Variants in STIM1 observed in about 807,000 individuals in gnomAD.
STIM1 encodes stromal interaction molecule 1.
STIM1 carries 25 observed loss-of-function variants against 74.7 expected under a neutral mutation model. The observed-to-expected ratio is 0.33, with a 90% CI of 0.24 to 0.47. STIM1 has a LOEUF of 0.47. Among genes scored for constraint, STIM1 ranks in the 20% least tolerant of loss-of-function variants. The pLI is 1.00. For synonymous variants in STIM1, 328 were observed against 348.8 expected (o/e 0.94, Z 0.66); for missense variants, 728 against 920.8 (o/e 0.79, Z 2.71).
Position 4,091,336 on chromosome 11 carries a change from T to A in STIM1, c.1689T>A (p.Arg563=). ...CCCTCCACATGAGTGACCGCCAGCGTGTGGCCCCCAAACCTCCTCAGATGA... is the reference window on the plus strand; with the variant it reads ...CCCTCCACATGAGTGACCGCCAGCGAGTGGCCCCCAAACCTCCTCAGATGA... ...ESSLHMSDRQ[R]VAPKPPQMSR... Residue 563 remains arginine, a synonymous_variant, in exon 13 of 13, where the codon CGT becomes CGA. Transcript: ENST00000526596. 1.9e-6 allele frequency: 3 copies of A among 1,614,216 alleles called. No individual in the cohort carries two copies. The highest frequency in any genetic ancestry group is 2.5e-6 in the Non-Finnish European group (3 of 1,180,034).
intron 1 of STIM1, chr11:3,921,960 C>G (rs1303078489): frequency 1.3e-5 from 2 of 152,184 alleles, no homozygotes; most frequent in African/African-American, 4.8e-5. Flanking sequence ...GTCAAACCAT[C>G]AGATGGCTAT....
At chr11:3,904,844 T>C (rs956026460) in intron 1 of STIM1, among the ~76,000 whole-genome samples, 6 of 152,028 alleles carry the variant, frequency 3.9e-5, no homozygotes, top group African/African-American at 9.7e-5. Flanking sequence ...TATCTGGTAG[T>C]TGGGGGAGAA....
intron 1 of STIM1, among the ~76,000 whole-genome samples, chr11:3,860,868 C>T (rs543879705): frequency 1.1e-3 from 168 of 152,278 alleles, no homozygotes; most frequent in Non-Finnish European, 2.0e-3. Context: ...AAGAAGTCTA[C>T]GTTTTGTAGG....
intron 2 of STIM1, among the ~76,000 whole-genome samples, chr11:4,022,335 CAAA>C (rs60560723): frequency 1.2e-4 from 13 of 104,976 alleles, no homozygotes; most frequent in Admixed American, 4.0e-4. Context: ...GAACCTGTCT[CAAA>C]AAAAAAAAAA....
In STIM1 at chr11:4,091,679, C is replaced by T. The variant is rs1297891038; in HGVS notation, c.2032C>T (p.Leu678=). The T allele has an allele frequency of 6.2e-7, 1 of 1,614,238 alleles. No individual in the cohort carries two copies. The highest frequency in any genetic ancestry group is 1.7e-5 in the Admixed American group (1 of 60,034). The change falls in exon 13 of 13, where the codon CTG becomes TTG. Residue 678 remains leucine (L), a synonymous_variant. Transcript: ENST00000526596. ...QASRNTRIPH[L]AGKKAVAEED... ...CAGCCGAAACACACGCATTCCCCAC[C>T]TGGCTGGCAAGAAGGCTGTGGCTGA... is the stretch of plus-strand genomic sequence containing the variant.
At chr11:4,089,145 C>T (rs1266488689) in intron 12 of STIM1, 6 of 230,660 alleles carry the variant, frequency 2.6e-5, no homozygotes, top group Non-Finnish European at 5.4e-5. Context: ...ATCACTTGAG[C>T]CTGGGAGGTC....
At chr11:3,970,350 A>G (rs1238304773) in intron 2 of STIM1, among the ~76,000 whole-genome samples, 1 of 152,144 alleles carries the variant, frequency 6.6e-6, no homozygotes, top group African/African-American at 2.4e-5. Flanking sequence ...TGCATGATCA[A>G]TCACAAGCTA....
intron 1 of STIM1, among the ~76,000 whole-genome samples, chr11:3,862,878 ACG>A (rs1477668470): frequency 1.3e-5 from 2 of 149,186 alleles, no homozygotes; most frequent in East Asian, 2.0e-4. Context: ...ACACACACAC[ACG>A]CACACACACA....
At chr11:4,032,974 G>A (rs2094064178) in intron 3 of STIM1, among the ~76,000 whole-genome samples, 1 of 152,028 alleles carries the variant, frequency 6.6e-6, no homozygotes, top group Admixed American at 6.6e-5. Flanking sequence ...TTTCTTCTAG[G>A]GTTTTTATGG....
rs563517403 is a variant in STIM1 at position 3,932,521 on chromosome 11, G to A, written c.140-35031G>A. On this transcript the variant is annotated intron_variant, in intron 1 of 12. Coordinates refer to ENST00000526596, the MANE Select transcript of STIM1 (RefSeq NM_001382567.1). ...ATTAAAATTACAAAAAATCAGCCGG[G>A]CGTGGTGGCGGGCACCTGTAGTCCC... Among the ~76,000 whole-genome samples, 5 of 152,156 alleles carry A rather than the reference G, an allele frequency of 3.3e-5. No homozygotes were observed. The East Asian group carries it at 7.7e-4, about 24-fold the overall frequency.
intron 2 of STIM1, among the ~76,000 whole-genome samples, chr11:3,998,835 T>C (rs1011718409): frequency 2.0e-5 from 3 of 152,108 alleles, no homozygotes; most frequent in Admixed American, 6.5e-5. Context: ...GTGCAAAATC[T>C]TGGGGGTATA....
chr11:3,904,956 G>A (rs1359549972), intron 1 of STIM1, among the ~76,000 whole-genome samples: 8 of 152,012 alleles, frequency 5.3e-5, no homozygotes, highest in Non-Finnish European at 1.2e-4. Context: ...GATCACCTGA[G>A]TAAAATTTAT....
intron 2 of STIM1, among the ~76,000 whole-genome samples, chr11:3,991,958 AAAAAAAAAAAAAAAG>A (rs1052897702): frequency 2.6e-5 from 3 of 117,302 alleles, no homozygotes; most frequent in African/African-American, 8.9e-5. Context: ...CTCAAAAAAA[AAAAAAAAAAAAAAAG>A]AAAAAAAAAA....
intron 1 of STIM1, among the ~76,000 whole-genome samples, chr11:3,870,869 C>CTTTTT (rs1178631644): frequency 1.7e-4 from 17 of 98,142 alleles, no homozygotes; most frequent in African/African-American, 5.3e-4. Context: ...ATCAGCTACT[C>CTTTTT]TTTTTTTTTT....
At chr11:4,074,807 T>A in intron 7 of STIM1, 128 bp downstream of exon 7, 2 of 1,061,726 alleles carry the variant, frequency 1.9e-6, no homozygotes, top group South Asian at 1.5e-5. Flanking sequence ...CTAGAGTCAC[T>A]GGACTCTTAC....
At chr11:4,080,202 C>T (rs111260492) in intron 7 of STIM1, among the ~76,000 whole-genome samples, 1 of 152,114 alleles carries the variant, frequency 6.6e-6, no homozygotes, top group African/African-American at 2.4e-5. Context: ...GCTGAGACTG[C>T]ACCACTGCAC....
chr11:3,929,015 A>G (rs1170003146), intron 1 of STIM1, among the ~76,000 whole-genome samples: 1 of 152,138 alleles, frequency 6.6e-6, no homozygotes. Flanking sequence ...CTGGGATTAC[A>G]GGTGCGTGCC....
chr11:3,995,375 C>G (rs2093654045), intron 2 of STIM1, among the ~76,000 whole-genome samples: 2 of 152,036 alleles, frequency 1.3e-5, no homozygotes, highest in South Asian at 4.1e-4. Flanking sequence ...AGTGGTTGAT[C>G]CCCCTCCTCC....
intron 2 of STIM1, among the ~76,000 whole-genome samples, chr11:3,978,952 G>A (rs796907440): frequency 1.3e-5 from 2 of 152,196 alleles, no homozygotes; most frequent in African/African-American, 4.8e-5. Context: ...TTCATGTTAT[G>A]CTGTATTTCC....
Sources: allele counts gnomAD v4.1 joint callset (sites outside exome capture counted in the v4.1 genomes callset), GRCh38; gene constraint gnomAD v4.1.1; transcripts MANE v1.5; gene names NCBI Gene and HGNC (gene_info 2026-07-23, HGNC 2026-07-21).